ITGB1BP2: variants seen among roughly 807,000 people sequenced by gnomAD.
ITGB1BP2 encodes integrin subunit beta 1 binding protein 2.
Under a neutral mutation model 32.2 loss-of-function variants are expected in ITGB1BP2, and 27 were observed. That is an observed-to-expected ratio of 0.84 (90% CI 0.62 to 1.16). The LOEUF is 1.16. ITGB1BP2 is among the 50% of genes most tolerant of loss of function. ITGB1BP2 has a pLI of 0.00. For missense variants in ITGB1BP2, 250 were observed against 267.3 expected, an observed-to-expected ratio of 0.94 and a Z score of 0.45; for synonymous variants, 105 against 94.7, an observed-to-expected ratio of 1.11 and a Z score of -0.63.
In ITGB1BP2 at chrX:71,302,414, T is replaced by G. The variant is rs2031630357; in HGVS notation, c.175T>G (p.Cys59Gly). Reference sequence around the variant, plus strand: ...CCTATCTCCTTATCTATACTAGGGCTGTACTATGGGACCACACTGTGCTGA... The same window carrying G: ...CCTATCTCCTTATCTATACTAGGGCGGTACTATGGGACCACACTGTGCTGA... ...DFSEFLNIKG[C>G]TMGPHCAEKL... is the part of the protein sequence containing the mutation. Residue 59 changes from cysteine (C) to glycine (G), a missense_variant, in exon 4 of 11, where the codon TGT becomes GGT. Cys to Gly is a radical substitution (Grantham distance 159, BLOSUM62 -3). Coordinates refer to ENST00000373829, the MANE Select transcript of ITGB1BP2 (RefSeq NM_012278.4). 1.7e-6 allele frequency: 2 copies of G among 1,211,483 alleles called. No homozygotes were observed. Among genetic ancestry groups the G allele is most frequent in the Non-Finnish European group, 2.2e-6 (2 of 895,365 alleles).
Position 71,302,463 on chromosome X carries a change from C to T in ITGB1BP2, c.224C>T (p.Pro75Leu). Reference sequence around the variant, plus strand: ...GAGAAGCTTCCTGAGGCCCCTCAACCTGAAGGCCCTGCTACAAGCAGTTCA... The same window carrying T: ...GAGAAGCTTCCTGAGGCCCCTCAACTTGAAGGCCCTGCTACAAGCAGTTCA... ...CAEKLPEAPQPEGPATSSSLQ... is the reference protein window; with the variant it reads ...CAEKLPEAPQLEGPATSSSLQ... The change falls in exon 4 of 11, where the codon CCT (proline) becomes CTT (leucine). Residue 75 changes from proline (P) to leucine (L), a missense_variant. Coordinates refer to ENST00000373829, the MANE Select transcript of ITGB1BP2 (RefSeq NM_012278.4). 3.3e-6 allele frequency: 4 copies of T among 1,211,414 alleles called. No individual in the cohort carries two copies. The South Asian group carries it at 7.0e-5, about 21-fold the overall frequency.
In ITGB1BP2 at chrX:71,302,159, G is replaced by A. The variant is rs1470234840; in HGVS notation, c.87G>A (p.Gly29=). 5.0e-6 allele frequency: 6 copies of A among 1,210,770 alleles called. No individual in the cohort carries two copies. In the South Asian group the frequency reaches 1.1e-4, roughly 21 times the overall value. Residue 29 remains glycine, a synonymous_variant, in exon 2 of 11, where the codon GGG becomes GGA. Transcript: ENST00000373829. Reference sequence around the variant, plus strand: ...CAGATTCCTGTTGCCATCACCCTGGGGTCCCAATCTTCCATGATGCACTTA... The same window carrying A: ...CAGATTCCTGTTGCCATCACCCTGGAGTCCCAATCTTCCATGATGCACTTA... ...NLPDSCCHHP[G]VPIFHDALKG... is the part of the protein sequence containing the mutation.
Position 71,305,097 on chromosome X carries a change from G to A in ITGB1BP2, c.949G>A (p.Val317Ile), listed in dbSNP as rs746601006. 2 of 1,211,322 alleles carry A rather than the reference G, an allele frequency of 1.7e-6. No individual in the cohort carries two copies. The highest frequency in any genetic ancestry group is 3.5e-5 in the South Asian group (2 of 56,860). ...DALAKKARAG[V>I]VLEMDEEESD... is the part of the protein sequence containing the mutation. ...ACTAGCTAAGAAGGCTAGGGCAGGG[G>A]TTGTGTTAGAGATGGATGAGGAAGA... Residue 317 changes from valine (V) to isoleucine (I), a missense_variant, in exon 11 of 11, where the codon GTT becomes ATT. By Grantham distance (29) the Val-to-Ile change is conservative. Transcript: ENST00000373829.
intron 1 of ITGB1BP2, 61 bp downstream of exon 1, chrX:71,301,931 G>C (rs1244286133): frequency 9.8e-7 from 1 of 1,016,439 alleles, no homozygotes; most frequent in East Asian, 3.0e-5. Context: ...CTGGTCAGCT[G>C]GGGGGCAGTG....
Position 71,303,486 on chromosome X carries a change from T to C in ITGB1BP2, c.438T>C (p.Gly146=). ...GACTTGACAGTCTGATCCGGACTGG[T>C]TCCAGCTGCCAGAACCCAGGATGTG... ...GAGLDSLIRT[G]SSCQNPGCDA... The change falls in exon 6 of 11, where the codon GGT becomes GGC. Residue 146 remains glycine (G), a synonymous_variant. Coordinates refer to ENST00000373829, the MANE Select transcript of ITGB1BP2 (RefSeq NM_012278.4). 8.3e-7 allele frequency: 1 copy of C among 1,211,816 alleles called. No homozygotes were observed. The highest frequency in any genetic ancestry group is 1.1e-6 in the Non-Finnish European group (1 of 895,523).
intron 8 of ITGB1BP2, 119 bp from the exon 9 acceptor site, chrX:71,304,068 C>A: frequency 1.4e-6 from 1 of 705,829 alleles, no homozygotes; most frequent in Non-Finnish European, 2.2e-6. Context: ...AGAGGTTTTG[C>A]AATATGAGGT....
chrX:71,301,917 G>A, intron 1 of ITGB1BP2, 47 bp downstream of exon 1: 1 of 1,085,449 alleles, frequency 9.2e-7, no homozygotes, highest in Non-Finnish European at 1.3e-6. Flanking sequence ...GTGGGTGTTG[G>A]GGACTGGTCA....
chrX:71,302,367 A>G (rs183743176), intron 3 of ITGB1BP2, 34 bp downstream of exon 3: 73 of 1,207,825 alleles, frequency 6.0e-5, no homozygotes, highest in African/African-American at 6.0e-4. Flanking sequence ...TCTGCCCCCA[A>G]TAGAAGGATT....
intron 4 of ITGB1BP2, 72 bp downstream of exon 4, chrX:71,302,628 A>T: frequency 1.9e-6 from 2 of 1,057,904 alleles, no homozygotes; most frequent in Admixed American, 6.4e-5. Flanking sequence ...TGGGTCATTG[A>T]GGACTGGGAA....
intron 2 of ITGB1BP2, 40 bp from the exon 3 acceptor site, chrX:71,302,237 T>C (rs2031625958): frequency 8.3e-7 from 1 of 1,209,331 alleles, no homozygotes; most frequent in Non-Finnish European, 1.1e-6. Context: ...GAAGAGATAA[T>C]ACCCAGGAAG....
At chrX:71,302,998 G>A (rs995019603) in intron 4 of ITGB1BP2, among the ~76,000 whole-genome samples, 1 of 111,991 alleles carries the variant, frequency 8.9e-6, no homozygotes, top group Non-Finnish European at 1.9e-5. Flanking sequence ...AAGAGGAAGA[G>A]GATATGACTC....
chrX:71,304,013 T>A lies in ITGB1BP2; in HGVS notation c.639+102T>A. 5.3e-6 allele frequency: 4 copies of A among 760,999 alleles called. No individual in the cohort carries two copies. In the South Asian group the frequency reaches 1.0e-4, roughly 20 times the overall value. 62.7% of individuals were successfully genotyped at this position (760,999 alleles called of 1,213,427 possible). A position where few individuals can be genotyped will look rare whatever the true frequency, so the allele number is the denominator to read the frequency against. ...AGCCAAGCTCCCTGTCTTCTCCCTT[T>A]AGTATAGACCAAATAAGATTCTGCT... On this transcript the variant is annotated intron_variant, in intron 8 of 10. Coordinates refer to ENST00000373829, the MANE Select transcript of ITGB1BP2 (RefSeq NM_012278.4).
chrX:71,304,631 G>A, intron 10 of ITGB1BP2, 27 bp downstream of exon 10: 1 of 1,151,008 alleles, frequency 8.7e-7, no homozygotes, highest in Non-Finnish European at 1.2e-6. Context: ...GGACACAAGA[G>A]TGGGAGGCAG....
intron 8 of ITGB1BP2, 138 bp downstream of exon 8, chrX:71,304,049 C>T (rs1243416654): frequency 1.4e-5 from 10 of 702,603 alleles, no homozygotes; most frequent in Non-Finnish European, 1.9e-5. Flanking sequence ...CCTTATCCCT[C>T]AACAGCCCAG....
In ITGB1BP2 at chrX:71,301,822, C is replaced by T. The variant is rs776137087; in HGVS notation, c.16C>T (p.Arg6Cys). 12 of 1,207,480 alleles carry T rather than the reference C, an allele frequency of 9.9e-6. No individual in the cohort carries two copies. Among genetic ancestry groups the T allele is most frequent in the South Asian group, 1.8e-5 (1 of 56,711 alleles). ...CAACGCTTCCATGTCTCTACTCTGT[C>T]GTAACAAAGGCTGTGGGCAGCACTT... MSLLC[R>C]NKGCGQHFDP... The change falls in exon 1 of 11, where the codon CGT (arginine) becomes TGT (cysteine). Residue 6 changes from arginine to cysteine, a missense_variant. Physicochemically the swap from Arg to Cys is radical, Grantham distance 180. Transcript: ENST00000373829.
At position 71,302,394 on chromosome X, in the gene ITGB1BP2, C is replaced by T. The variant is rs2031629888; in HGVS notation, c.172-17C>T. On this transcript the variant is annotated splice_polypyrimidine_tract_variant and intron_variant, in intron 3 of 10. Coordinates refer to ENST00000373829, the MANE Select transcript of ITGB1BP2 (RefSeq NM_012278.4). ...AGAAGGATTCTATCCCTAATCCTAT[C>T]TCCTTATCTATACTAGGGCTGTACT... The T allele has an allele frequency of 8.3e-7, 1 of 1,210,946 alleles. No homozygotes were observed. The highest frequency in any genetic ancestry group is 1.1e-6 in the Non-Finnish European group (1 of 894,969).
In ITGB1BP2 at chrX:71,304,381, G is replaced by C. The variant is rs2031663486; in HGVS notation, c.753+81G>C. The C allele has an allele frequency of 2.0e-5, 18 of 922,044 alleles. No homozygotes were observed. In the Admixed American group the frequency reaches 4.2e-4, roughly 22 times the overall value. 76.0% of individuals were successfully genotyped at this position (922,044 alleles called of 1,213,427 possible). Reference sequence around the variant, plus strand: ...CTCACAGGCAGAGTTGCCATTTGCTGTTAACCTGTAGGCTCCATAGTACCC... The same window carrying C: ...CTCACAGGCAGAGTTGCCATTTGCTCTTAACCTGTAGGCTCCATAGTACCC... On this transcript the variant is annotated intron_variant, in intron 9 of 10. Coordinates refer to ENST00000373829, the MANE Select transcript of ITGB1BP2 (RefSeq NM_012278.4).
chrX:71,301,845 C>T lies in ITGB1BP2; in HGVS notation c.39C>T (p.His13=), dbSNP rs375543866. The T allele has an allele frequency of 1.3e-5, 16 of 1,207,175 alleles. No homozygotes were observed. In the Admixed American group the frequency reaches 3.3e-4, roughly 25 times the overall value. Residue 13 remains histidine, a synonymous_variant, in exon 1 of 11, where the codon CAC becomes CAT. Coordinates refer to ENST00000373829, the MANE Select transcript of ITGB1BP2 (RefSeq NM_012278.4). ...GTCGTAACAAAGGCTGTGGGCAGCACTTTGACCCTAATACCAACCTTCCTG... is the reference window on the plus strand; with the variant it reads ...GTCGTAACAAAGGCTGTGGGCAGCATTTTGACCCTAATACCAACCTTCCTG... ...LLCRNKGCGQ[H]FDPNTNLPDS... is the part of the protein sequence containing the mutation.
rs750780470 is a variant in ITGB1BP2 at position 71,305,038 on chromosome X, C to G, written c.890C>G (p.Pro297Arg). 2 of 1,211,561 alleles carry G rather than the reference C, an allele frequency of 1.7e-6. No individual in the cohort carries two copies. Among genetic ancestry groups the G allele is most frequent in the Non-Finnish European group, 2.2e-6 (2 of 895,376 alleles). The change falls in exon 11 of 11, where the codon CCA becomes CGA. Residue 297 changes from proline to arginine, a missense_variant. Pro to Arg is a moderately radical substitution (Grantham distance 103). Coordinates refer to ENST00000373829, the MANE Select transcript of ITGB1BP2 (RefSeq NM_012278.4). Reference protein sequence around the residue: ...RVEISLVKADPGSWAQLEHPD... With the variant: ...RVEISLVKADRGSWAQLEHPD... Reference sequence around the variant, plus strand: ...GAAATCTCCCTGGTCAAGGCTGACCCAGGATCCTGGGCCCAGCTGGAGCAC... The same window carrying G: ...GAAATCTCCCTGGTCAAGGCTGACCGAGGATCCTGGGCCCAGCTGGAGCAC...
Sources: allele counts gnomAD v4.1 joint callset (sites outside exome capture counted in the v4.1 genomes callset), GRCh38; gene constraint gnomAD v4.1.1; transcripts MANE v1.5; gene names NCBI Gene and HGNC (gene_info 2026-07-23, HGNC 2026-07-21).